MAP3K9: variants seen among roughly 807,000 people sequenced by gnomAD.
The protein encoded by MAP3K9 is mitogen-activated protein kinase kinase kinase 9, also known as mixed lineage kinase 1 (tyr and ser/thr specificity).
A neutral mutation model predicts 95.8 loss-of-function variants in MAP3K9; 46 were observed. That is an observed-to-expected ratio of 0.48 (90% confidence interval 0.38 to 0.61). MAP3K9 has a LOEUF of 0.61. MAP3K9 is among the 20% of genes least tolerant of loss of function. The probability of loss-of-function intolerance (pLI) is 0.00; values close to 1 mark genes in which losing one functional copy is unlikely to be tolerated. For missense variants in MAP3K9, 1,296 were observed against 1,474.3 expected (o/e 0.88, Z 1.98); for synonymous variants, 533 against 593.8 (o/e 0.90, Z 1.49).
In MAP3K9 at chr14:70,726,034, C is replaced by T. The variant is rs1282532931; in HGVS notation, c.*4346G>A. ...AAAGATATGTGCAAATTCACACACC[C>T]AGGAAGTAGGCAGCTTTTATCACCA... On this transcript the variant is annotated 3_prime_UTR_variant, in exon 12 of 12. Coordinates refer to ENST00000554752, the MANE Select transcript of MAP3K9 (RefSeq NM_001284230.2). 1 of 152,276 alleles carries T rather than the reference C, an allele frequency of 6.6e-6. No homozygotes were observed. The highest frequency in any genetic ancestry group is 1.5e-5 in the Non-Finnish European group (1 of 68,078). The allele number at this position is 152,276 out of a possible 1,614,324, so 9.4% of individuals were successfully genotyped here. A position where few individuals can be genotyped will look rare whatever the true frequency, so the allele number is the denominator to read the frequency against.
intron 2 of MAP3K9, among the ~76,000 whole-genome samples, chr14:70,792,060 C>T (rs1423239067): frequency 6.6e-6 from 1 of 152,216 alleles, no homozygotes. Context: ...GAGTCCTGTT[C>T]ACCCGGCTGG....
At position 70,809,359 on chromosome 14, in the gene MAP3K9, G is replaced by C. The variant is rs2055041284; in HGVS notation, c.-188C>G. The C allele has an allele frequency of 1.5e-6, 1 of 683,286 alleles. No individual in the cohort carries two copies. Among genetic ancestry groups the C allele is most frequent in the East Asian group, 3.5e-5 (1 of 28,790 alleles). The allele number at this position is 683,286 out of a possible 1,614,324, so 42.3% of individuals were successfully genotyped here. Reference sequence around the variant, plus strand: ...GTTACCGCGGTACGAGAAGAGCGCCGAGCGCGAGCTCTTCGCGCAGCCTAG... The same window carrying C: ...GTTACCGCGGTACGAGAAGAGCGCCCAGCGCGAGCTCTTCGCGCAGCCTAG... On this transcript the variant is annotated 5_prime_UTR_variant, in exon 1 of 12. Transcript: ENST00000554752.
chr14:70,771,131 T>C (rs1317546128), intron 2 of MAP3K9, among the ~76,000 whole-genome samples: 2 of 152,160 alleles, frequency 1.3e-5, no homozygotes, highest in African/African-American at 2.4e-5. Flanking sequence ...TCCATCAGTT[T>C]TCCAGTCTCC....
At chr14:70,759,119 A>G (rs372210322) in intron 3 of MAP3K9, among the ~76,000 whole-genome samples, 3 of 152,300 alleles carry the variant, frequency 2.0e-5, no homozygotes, top group African/African-American at 7.2e-5. Flanking sequence ...GACTGATAAT[A>G]GACATGGAGC....
rs771498795 is a variant in MAP3K9, at chr14:70,730,576, C to T, written c.3119G>A (p.Ser1040Asn). 13 of 1,614,036 alleles carry T rather than the reference C, an allele frequency of 8.1e-6. No homozygotes were observed. Among genetic ancestry groups the T allele is most frequent in the East Asian group, 2.2e-5 (1 of 44,890 alleles). ...SNLDSCFASS[S>N]STVEERPGLP... ...TCCAGGCCGCTCCTCTACAGTGCTG[C>T]TACTGCTAGCAAAGCAGGAGTCCAG... Residue 1040 changes from serine (S) to asparagine (N), a missense_variant, in exon 12 of 12, where the codon AGC (serine) becomes AAC (asparagine). Coordinates refer to ENST00000554752, the MANE Select transcript of MAP3K9 (RefSeq NM_001284230.2).
At chr14:70,771,414 T>C (rs563861030) in intron 2 of MAP3K9, among the ~76,000 whole-genome samples, 1 of 152,182 alleles carries the variant, frequency 6.6e-6, no homozygotes, top group South Asian at 2.1e-4. Flanking sequence ...GAGGGTGTAA[T>C]AGAGGAAGGC....
intron 1 of MAP3K9, among the ~76,000 whole-genome samples, chr14:70,804,169 C>T (rs1305357011): frequency 1.3e-5 from 2 of 152,164 alleles, no homozygotes; most frequent in Non-Finnish European, 2.9e-5. Context: ...TAGCAGCTGA[C>T]CTGGTGGGCC....
At chr14:70,734,534 G>T in intron 9 of MAP3K9, 36 bp from the exon 10 acceptor site, 1 of 1,250,990 alleles carries the variant, frequency 8.0e-7, no homozygotes, top group Non-Finnish European at 1.2e-6. Context: ...GTCAGAACTG[G>T]TTACCTTTCT....
chr14:70,765,834 G>A (rs1009362667), intron 2 of MAP3K9, among the ~76,000 whole-genome samples: 3 of 151,470 alleles, frequency 2.0e-5, no homozygotes, highest in Non-Finnish European at 2.9e-5. Context: ...ATATAGCCCA[G>A]GTGTGTAGTA....
intron 2 of MAP3K9, among the ~76,000 whole-genome samples, chr14:70,774,003 CA>C (rs1338353921): frequency 1.3e-5 from 2 of 152,116 alleles, no homozygotes; most frequent in Non-Finnish European, 2.9e-5. Flanking sequence ...AAATCTAAAC[CA>C]AAACCAAGAT....
intron 1 of MAP3K9, among the ~76,000 whole-genome samples, chr14:70,807,174 T>C (rs1269083101): frequency 6.6e-6 from 1 of 152,192 alleles, no homozygotes; most frequent in Non-Finnish European, 1.5e-5. Flanking sequence ...ATGATTTTGA[T>C]ATTATGTGCT....
At chr14:70,758,454 T>C (rs955070522) in intron 3 of MAP3K9, among the ~76,000 whole-genome samples, 1 of 152,182 alleles carries the variant, frequency 6.6e-6, no homozygotes, top group African/African-American at 2.4e-5. Flanking sequence ...AACGGGAATA[T>C]AATAAAATGG....
intron 3 of MAP3K9, among the ~76,000 whole-genome samples, chr14:70,754,159 CTTCTTA>C (rs1287387686): frequency 6.6e-6 from 1 of 152,150 alleles, no homozygotes; most frequent in Non-Finnish European, 1.5e-5. Flanking sequence ...TATAATTCTT[CTTCTTA>C]TTAACTGAAC....
chr14:70,749,085 C>G, intron 4 of MAP3K9, 81 bp from the exon 5 acceptor site: 1 of 1,356,070 alleles, frequency 7.4e-7, no homozygotes, highest in Non-Finnish European at 1.0e-6. Context: ...CATGGCCTCA[C>G]TTCCCAGAAA....
At chr14:70,756,484 G>A (rs770135303) in intron 3 of MAP3K9, among the ~76,000 whole-genome samples, 1 of 152,166 alleles carries the variant, frequency 6.6e-6, no homozygotes, top group Non-Finnish European at 1.5e-5. Context: ...CCATAGTGGG[G>A]CACACAGTTG....
At chr14:70,733,483 A>G (rs2053942307) in intron 10 of MAP3K9, 141 bp from the exon 11 acceptor site, 4 of 605,492 alleles carry the variant, frequency 6.6e-6, no homozygotes, top group East Asian at 5.5e-5. Flanking sequence ...TGAGCAGGAC[A>G]TGGAATTGAA....
intron 2 of MAP3K9, among the ~76,000 whole-genome samples, chr14:70,785,038 G>C (rs1281144794): frequency 6.6e-6 from 1 of 152,110 alleles, no homozygotes; most frequent in Non-Finnish European, 1.5e-5. Context: ...ATCTCCTATT[G>C]CAGTCTGTTT....
chr14:70,808,715 C>G, intron 1 of MAP3K9, 51 bp downstream of exon 1: 2 of 1,290,348 alleles, frequency 1.5e-6, no homozygotes, highest in Admixed American at 5.7e-5. Flanking sequence ...CCCGACCGCC[C>G]CCCAGGCCTC....
Position 70,747,650 on chromosome 14 carries a change from CAATAAT to C in MAP3K9, c.1326+1173_1326+1178del. 1.3e-5 allele frequency among the ~76,000 whole-genome samples: 2 copies of C among 152,204 alleles called. 1 individual carries two copies. The highest frequency in any genetic ancestry group is 6.8e-3 in the Middle Eastern group (2 of 294). ...CTGACCCTCAGCTCTGAGATGGAAACAATAATAACACCTGGCCTACATACTGATGGC... is the reference window on the plus strand; with the variant it reads ...CTGACCCTCAGCTCTGAGATGGAAACAACACCTGGCCTACATACTGATGGC... On this transcript the variant is annotated intron_variant, in intron 5 of 11. Coordinates refer to ENST00000554752, the MANE Select transcript of MAP3K9 (RefSeq NM_001284230.2).
Sources: gnomAD v4.1 joint callset for allele counts (sites outside exome capture counted in the v4.1 genomes callset) on GRCh38, gnomAD v4.1.1 for gene constraint, MANE v1.5 for transcripts, NCBI Gene and HGNC (gene_info 2026-07-23, HGNC 2026-07-21) for gene names.